GAD2: variants seen among roughly 807,000 people sequenced by gnomAD.
GAD2 encodes glutamate decarboxylase 2.
In GAD2, 22 loss-of-function variants were observed where a neutral mutation model predicts 80.1. The observed-to-expected ratio is 0.27, with a 90% CI of 0.20 to 0.39. GAD2 has a LOEUF of 0.39. GAD2 is among the 10% of genes least tolerant of loss of function. The pLI is 1.00. For missense variants in GAD2, 624 were observed against 738.4 expected, an observed-to-expected ratio of 0.85 and a Z score of 1.80; for synonymous variants, 274 against 256.9, an observed-to-expected ratio of 1.07 and a Z score of -0.64.
intron 7 of GAD2, among the ~76,000 whole-genome samples, chr10:26,230,393 T>C (rs1207528032): frequency 1.3e-5 from 2 of 152,120 alleles, no homozygotes; most frequent in Non-Finnish European, 2.9e-5. Context: ...ACTGATCTGA[T>C]AGATATTCTG....
chr10:26,270,960 T>A (rs1357293853), intron 10 of GAD2, among the ~76,000 whole-genome samples: 1 of 152,230 alleles, frequency 6.6e-6, no homozygotes, highest in Non-Finnish European at 1.5e-5. Flanking sequence ...CCAAGGCTGA[T>A]TATACCTTAA....
intron 12 of GAD2, 60 bp from the exon 13 acceptor site, chr10:26,286,285 C>T (rs1845330893): frequency 7.2e-7 from 1 of 1,391,016 alleles, no homozygotes; most frequent in Non-Finnish European, 9.9e-7. Context: ...TTAATTTTTA[C>T]CAATATAAAT....
At chr10:26,261,633 T>A (rs935832321) in intron 8 of GAD2, among the ~76,000 whole-genome samples, 4 of 152,212 alleles carry the variant, frequency 2.6e-5, no homozygotes, top group African/African-American at 9.6e-5. Context: ...TGTCCCAAAT[T>A]TAATGGAAAT....
rs1225427354 is a variant in GAD2 at position 26,217,566 on chromosome 10, T to A, written c.77-44T>A. On this transcript the variant is annotated intron_variant, in intron 1 of 15. Coordinates refer to ENST00000376261, the MANE Select transcript of GAD2 (RefSeq NM_001134366.2). This position sits in a 1 kb window ranked among gnomAD's most constrained non-coding sequence, Gnocchi z 4.9. Reference sequence around the variant, plus strand: ...CGAAATTTCACACGTCCGTCTGTTGTTCTCTTTCTGCCTCGCTGTCTGCCT... The same window carrying A: ...CGAAATTTCACACGTCCGTCTGTTGATCTCTTTCTGCCTCGCTGTCTGCCT... The A allele has an allele frequency of 2.7e-5, 43 of 1,578,844 alleles. No homozygotes were observed. The highest frequency in any genetic ancestry group is 3.6e-5 in the Non-Finnish European group (42 of 1,157,544).
chr10:26,279,462 C>T (rs1174098394), intron 11 of GAD2, among the ~76,000 whole-genome samples: 3 of 152,100 alleles, frequency 2.0e-5, no homozygotes, highest in African/African-American at 7.2e-5. Flanking sequence ...TGGGGCTCAC[C>T]CCAGGGGCTG....
intron 8 of GAD2, among the ~76,000 whole-genome samples, chr10:26,267,794 A>G (rs929456024): frequency 2.0e-5 from 3 of 152,156 alleles, no homozygotes; most frequent in Non-Finnish European, 4.4e-5. Context: ...GGTCAAAAAT[A>G]TAACTTACCC....
chr10:26,219,105 A>C lies in GAD2; in HGVS notation c.349A>C (p.Ile117Leu). The C allele has an allele frequency of 1.2e-6, 2 of 1,611,754 alleles. No individual in the cohort carries two copies. The highest frequency in any genetic ancestry group is 1.7e-6 in the Non-Finnish European group (2 of 1,179,050). The change falls in exon 4 of 16, where the codon ATT (isoleucine) becomes CTT (leucine). Residue 117 changes from isoleucine to leucine, a missense_variant. Ile to Leu is a conservative substitution (Grantham distance 5, BLOSUM62 2). Transcript: ENST00000376261. ...TLAFLQDVMN[I>L]LLQYVVKSFD... The stretch of plus-strand genomic sequence containing the variant: ...GGCGTTTCTGCAAGATGTTATGAAC[A>C]TTTTACTTCAGTATGTGGTGAAAAG...
chr10:26,301,028 T>G lies in GAD2; in HGVS notation c.*67T>G. 2 of 1,327,306 alleles carry G rather than the reference T, an allele frequency of 1.5e-6. No individual in the cohort carries two copies. The highest frequency in any genetic ancestry group is 3.5e-5 in the Admixed American group (2 of 57,610). The allele number at this position is 1,327,306 out of a possible 1,614,324, so 82.2% of individuals were successfully genotyped here. On this transcript the variant is annotated 3_prime_UTR_variant, in exon 16 of 16. Transcript: ENST00000376261. ...ATTAAGTTGTCACAAACTGTGTGAA[T>G]GTATTTGTAGTTTGTTCCAAAGTAA...
At chr10:26,286,218 G>C (rs1479805116) in intron 12 of GAD2, 127 bp from the exon 13 acceptor site, 32 of 848,220 alleles carry the variant, frequency 3.8e-5, no homozygotes, top group Non-Finnish European at 5.3e-5. Context: ...TTTTAAAATT[G>C]ATTCTTACTG....
intron 8 of GAD2, among the ~76,000 whole-genome samples, chr10:26,252,434 C>T (rs1284040940): frequency 1.3e-5 from 2 of 152,090 alleles, no homozygotes; most frequent in Non-Finnish European, 2.9e-5. Context: ...CCTCTGCCTC[C>T]CAGGTTCAAG....
intron 4 of GAD2, among the ~76,000 whole-genome samples, chr10:26,222,221 C>G (rs1034335232): frequency 6.6e-6 from 1 of 152,118 alleles, no homozygotes; most frequent in East Asian, 1.9e-4. Flanking sequence ...AAGTTATCAT[C>G]AGGGTGAATT....
At chr10:26,285,328 C>T (rs1470322762) in intron 12 of GAD2, among the ~76,000 whole-genome samples, 1 of 152,180 alleles carries the variant, frequency 6.6e-6, no homozygotes, top group East Asian at 1.9e-4. Flanking sequence ...GAAGTGTTCT[C>T]AGTTTTAACT....
intron 7 of GAD2, among the ~76,000 whole-genome samples, chr10:26,240,259 G>A (rs950908080): frequency 3.3e-5 from 5 of 152,182 alleles, no homozygotes; most frequent in Non-Finnish European, 2.9e-5. Flanking sequence ...CTAGGGCTAG[G>A]AGGGATGGGC....
chr10:26,292,617 C>A, intron 14 of GAD2, 45 bp downstream of exon 14: 1 of 1,365,508 alleles, frequency 7.3e-7, no homozygotes, highest in Non-Finnish European at 1.0e-6. Context: ...TAGTCAATTC[C>A]AACCCTCATC....
intron 7 of GAD2, among the ~76,000 whole-genome samples, chr10:26,231,276 C>T (rs1003245998): frequency 2.0e-5 from 3 of 152,082 alleles, no homozygotes; most frequent in South Asian, 2.1e-4. Flanking sequence ...ACTCAGGAGA[C>T]GCAGGGAACC....
rs534607306 is a variant in GAD2 at position 26,292,978 on chromosome 10, G to A, written c.1571G>A (p.Ser524Asn). ...CTGGAAGACAATGAAGAGAGAATGAGTCGCCTCTCGAAGGTCAGTGCTCCA... is the reference window on the plus strand; with the variant it reads ...CTGGAAGACAATGAAGAGAGAATGAATCGCCTCTCGAAGGTCAGTGCTCCA... ...RTLEDNEERM[S>N]RLSKVAPVIK... Residue 524 changes from serine to asparagine, a missense_variant, in exon 15 of 16, where the codon AGT becomes AAT. By Grantham distance (46) the Ser-to-Asn change is conservative (BLOSUM62 1). Transcript: ENST00000376261. The A allele has an allele frequency of 9.4e-5, 152 of 1,613,038 alleles. No homozygotes were observed. The highest frequency in any genetic ancestry group is 1.2e-4 in the Non-Finnish European group (146 of 1,179,458).
At chr10:26,225,153 A>C (rs754503247) in intron 6 of GAD2, among the ~76,000 whole-genome samples, 3 of 152,242 alleles carry the variant, frequency 2.0e-5, no homozygotes, top group Non-Finnish European at 4.4e-5. Flanking sequence ...GAGGACAGAG[A>C]ACGCTTTGGG....
At chr10:26,224,838 T>A in intron 6 of GAD2, 187 bp downstream of exon 6, 1 of 560,422 alleles carries the variant, frequency 1.8e-6, no homozygotes, top group Non-Finnish European at 3.1e-6. Context: ...AAGTAACCCA[T>A]GCTTGAACAT....
chr10:26,224,052 G>A, intron 5 of GAD2, 75 bp downstream of exon 5: 1 of 1,084,684 alleles, frequency 9.2e-7, no homozygotes. Context: ...CATCTTATGT[G>A]AAAATCTGTT....
Sources: gnomAD v4.1 joint callset for allele counts (sites outside exome capture counted in the v4.1 genomes callset) on GRCh38, gnomAD v4.1.1 for gene constraint, Gnocchi (gnomAD v3.1) non-coding constraint, MANE v1.5 for transcripts, NCBI Gene and HGNC (gene_info 2026-07-23, HGNC 2026-07-21) for gene names.